The following TUB variants were observed in gnomAD, a reference collection of about 807,000 sequenced individuals.
The protein encoded by TUB is tubby protein homolog.
TUB carries 33 observed loss-of-function variants against 59.7 expected under a neutral mutation model. The observed-to-expected ratio is 0.55, with a 90% CI of 0.42 to 0.74. The LOEUF (loss-of-function observed/expected upper bound fraction) is 0.74, where lower values mean the gene tolerates loss of function less well. Ranked by LOEUF, TUB falls within the 30% of genes least tolerant of loss-of-function variation. The pLI is 0.00. For synonymous variants in TUB, 293 were observed against 256.4 expected (o/e 1.14, Z -1.36); for missense variants, 659 against 672.0 (o/e 0.98, Z 0.21).
chr11:8,047,080 A>G (rs1942846418), intron 2 of TUB, among the ~76,000 whole-genome samples: 1 of 152,176 alleles, frequency 6.6e-6, no homozygotes, highest in Non-Finnish European at 1.5e-5. Flanking sequence ...AGTGGAGACA[A>G]AAGGCTGTTT....
intron 3 of TUB, among the ~76,000 whole-genome samples, chr11:8,091,374 CA>C (rs1309027847): frequency 6.6e-6 from 1 of 152,188 alleles, no homozygotes; most frequent in Admixed American, 6.5e-5. Flanking sequence ...TTTCTTCTAA[CA>C]AAGGCTGGCT....
chr11:8,072,266 A>G (rs2133797940), intron 2 of TUB, among the ~76,000 whole-genome samples: 1 of 152,280 alleles, frequency 6.6e-6, no homozygotes, highest in Admixed American at 6.5e-5. Context: ...CGCCTCCTCC[A>G]GGCCAGAGCT....
intron 2 of TUB, among the ~76,000 whole-genome samples, chr11:8,065,416 T>C (rs1943220911): frequency 6.6e-6 from 1 of 152,198 alleles, no homozygotes; most frequent in Non-Finnish European, 1.5e-5. Context: ...GTGTGAGTCT[T>C]AGATTCAGGT....
Position 8,102,874 on chromosome 11 carries a change from T to C in TUB, c.*1255T>C, listed in dbSNP as rs774543714. 3 of 150,184 alleles carry C rather than the reference T, an allele frequency of 2.0e-5. No individual in the cohort carries two copies. Among genetic ancestry groups the C allele is most frequent in the Non-Finnish European group, 4.4e-5 (3 of 67,754 alleles). 9.3% of individuals were successfully genotyped at this position (150,184 alleles called of 1,614,324 possible). On this transcript the variant is annotated 3_prime_UTR_variant, in exon 12 of 12. Transcript: ENST00000299506. The stretch of plus-strand genomic sequence containing the variant: ...ACTTCAAGTTCTCTTGATTTCTTTG[T>C]TCCCACTGTCCCCCAAGAAACTAGT...
At chr11:8,095,340 A>G (rs893671468) in intron 4 of TUB, among the ~76,000 whole-genome samples, 158 bp from the exon 5 acceptor site, 1 of 152,242 alleles carries the variant, frequency 6.6e-6, no homozygotes, top group Non-Finnish European at 1.5e-5. Flanking sequence ...AGTTGTTAAC[A>G]GGCTGGTGCA....
chr11:8,069,133 A>T (rs955460714), intron 2 of TUB: 2 of 152,242 alleles, frequency 1.3e-5, no homozygotes, highest in African/African-American at 2.4e-5. Context: ...ATCACTCCAC[A>T]GGGAGGAGTT....
chr11:8,100,698 G>A (rs1314841978), intron 10 of TUB, 97 bp downstream of exon 10: 7 of 1,516,620 alleles, frequency 4.6e-6, no homozygotes, highest in Non-Finnish European at 1.8e-6. Flanking sequence ...TATGTGGAGG[G>A]GTACCATGTG....
At chr11:8,095,086 T>G (rs1335400403) in intron 4 of TUB, among the ~76,000 whole-genome samples, 1 of 152,220 alleles carries the variant, frequency 6.6e-6, no homozygotes, top group Non-Finnish European at 1.5e-5. Context: ...GTGTATGTTG[T>G]GTCTGTTTGT....
chr11:8,100,368 G>T, intron 9 of TUB, 135 bp from the exon 10 acceptor site: 1 of 714,260 alleles, frequency 1.4e-6, no homozygotes. Flanking sequence ...GCCGTGTTAG[G>T]TTTAGAGGGA....
intron 1 of TUB, among the ~76,000 whole-genome samples, chr11:8,088,714 T>A (rs957558346): frequency 5.9e-5 from 9 of 152,378 alleles, no homozygotes; most frequent in Middle Eastern, 3.4e-3. Flanking sequence ...CATTTGGGCC[T>A]AGGTCTCATG....
intron 9 of TUB, among the ~76,000 whole-genome samples, chr11:8,100,163 G>C (rs1186039110): frequency 3.3e-5 from 5 of 152,214 alleles, no homozygotes; most frequent in African/African-American, 9.6e-5. Flanking sequence ...AGTGGTGGAA[G>C]TCTGGGTATA....
chr11:8,081,760 T>C (rs1045404699), intron 1 of TUB, among the ~76,000 whole-genome samples: 8 of 151,726 alleles, frequency 5.3e-5, no homozygotes, highest in African/African-American at 1.9e-4. Flanking sequence ...TCTGCCAGGG[T>C]TGCTGGAAGG....
At chr11:8,063,834 C>T (rs1465456879) in intron 2 of TUB, among the ~76,000 whole-genome samples, 1 of 152,220 alleles carries the variant, frequency 6.6e-6, no homozygotes, top group Non-Finnish European at 1.5e-5. Context: ...GCTGTCCCCA[C>T]AGCCCTCCAG....
chr11:8,045,006 T>C (rs533239936), intron 2 of TUB, among the ~76,000 whole-genome samples: 56 of 152,314 alleles, frequency 3.7e-4, no homozygotes, highest in African/African-American at 1.3e-3. Context: ...CTCTGTCATT[T>C]AGGGTTTTAT....
intron 2 of TUB, among the ~76,000 whole-genome samples, chr11:8,046,076 T>A (rs1942827068): frequency 6.6e-6 from 1 of 152,062 alleles, no homozygotes; most frequent in Non-Finnish European, 1.5e-5. Flanking sequence ...TTGTGCGTTA[T>A]CTCCCTCCCC....
At chr11:8,035,631 G>A (rs748174031), upstream of TUB, 1 of 152,324 alleles carries the variant, frequency 6.6e-6, no homozygotes, top group Non-Finnish European at 1.5e-5. Flanking sequence ...GACACCTCAG[G>A]GAGGGCCTGC....
At chr11:8,020,412 A>G (rs951312263) in intron 1 of TUB, among the ~76,000 whole-genome samples, 5 of 152,156 alleles carry the variant, frequency 3.3e-5, no homozygotes, top group Admixed American at 6.5e-5. Flanking sequence ...TCAGAGGAAC[A>G]GGTGTCCCTC....
chr11:8,045,915 G>A (rs911482458), intron 2 of TUB, among the ~76,000 whole-genome samples: 1 of 152,086 alleles, frequency 6.6e-6, no homozygotes, highest in African/African-American at 2.4e-5. Flanking sequence ...GGAACACAGA[G>A]TATTTCCACC....
intron 1 of TUB, among the ~76,000 whole-genome samples, chr11:8,083,853 C>T (rs1024613349): frequency 3.3e-5 from 5 of 152,150 alleles, no homozygotes; most frequent in African/African-American, 9.7e-5. Flanking sequence ...TTTCTGGGCA[C>T]GCACTGAGTG....
Sources: allele counts gnomAD v4.1 joint callset (sites outside exome capture counted in the v4.1 genomes callset), GRCh38; gene constraint gnomAD v4.1.1; transcripts MANE v1.5; gene names NCBI Gene and HGNC (gene_info 2026-07-23, HGNC 2026-07-21).